Variants in SRD5A2 observed in about 807,000 individuals in gnomAD.
The protein encoded by SRD5A2 is 3-oxo-5-alpha-steroid 4-dehydrogenase 2.
A neutral mutation model predicts 27.4 loss-of-function variants in SRD5A2; 30 were observed. The observed-to-expected ratio is 1.10, with a 90% confidence interval of 0.82 to 1.49. SRD5A2 has a LOEUF of 1.49. Among genes scored for constraint, SRD5A2 ranks in the 40% most tolerant of loss-of-function variants. The probability of loss-of-function intolerance (pLI) is 0.00; values close to 1 mark genes in which losing one functional copy is unlikely to be tolerated. For synonymous variants in SRD5A2, 141 were observed against 133.6 expected (o/e 1.06, Z -0.38); for missense variants, 348 against 323.4 (o/e 1.08, Z -0.58).
In SRD5A2 at chr2:31,533,625, G is replaced by A; in HGVS notation, c.423C>T (p.Tyr141=). Residue 141 remains tyrosine (Y), a synonymous_variant, in exon 2 of 5, where the codon TAC becomes TAT. Coordinates refer to ENST00000622030, the MANE Select transcript of SRD5A2 (RefSeq NM_000348.4). ...TACCCAAGCTAAACCGTATGTCTGT[G>A]TACCACCCATCAGGGTATTCAGCAC... is the stretch of plus-strand genomic sequence containing the variant. ...IYCAEYPDGW[Y]TDIRFSLGVF... is the part of the protein sequence containing the mutation. 2 of 1,552,740 alleles carry A rather than the reference G, an allele frequency of 1.3e-6. No homozygotes were observed. The highest frequency in any genetic ancestry group is 1.2e-5 in the South Asian group (1 of 84,084).
At chr2:31,580,233 G>A (rs519704) in intron 1 of SRD5A2, among the ~76,000 whole-genome samples, 17,570 of 152,214 alleles carry the variant, frequency 0.12, 1,081 homozygotes, top group Middle Eastern at 0.19. Flanking sequence ...GCGGGGCGGG[G>A]CGCGATATGC....
intron 3 of SRD5A2, among the ~76,000 whole-genome samples, chr2:31,531,063 T>C (rs778117830): frequency 3.9e-5 from 6 of 152,188 alleles, no homozygotes; most frequent in Non-Finnish European, 8.8e-5. Context: ...ATGACAACCT[T>C]ACCTACTGCA....
At chr2:31,634,826 C>A in the SRD5A2 span, among the ~76,000 whole-genome samples, 1 of 152,054 alleles carries the variant, frequency 6.6e-6, no homozygotes, top group Non-Finnish European at 1.5e-5. Flanking sequence ...AACATAATGA[C>A]CTCCCATTTC....
intron 1 of SRD5A2, among the ~76,000 whole-genome samples, chr2:31,539,455 A>G (rs1666089074): frequency 6.6e-6 from 1 of 152,206 alleles, no homozygotes; most frequent in Non-Finnish European, 1.5e-5. Flanking sequence ...GCAAAGTCTG[A>G]TGGAAGTGCA....
chr2:31,557,382 C>T (rs1438401648), intron 1 of SRD5A2, among the ~76,000 whole-genome samples: 1 of 152,234 alleles, frequency 6.6e-6, no homozygotes, highest in Non-Finnish European at 1.5e-5. Flanking sequence ...ATTTGCATTG[C>T]TTAGATGTTT....
intron 1 of SRD5A2, among the ~76,000 whole-genome samples, chr2:31,541,644 G>T (rs899595887): frequency 6.6e-6 from 1 of 152,144 alleles, no homozygotes; most frequent in Non-Finnish European, 1.5e-5. Context: ...ACAGTACTTG[G>T]TTTAACTTCA....
In SRD5A2 at chr2:31,526,104, C is replaced by CATACATATATATATATATAT; in HGVS notation, c.*91_*92insATATATATATATATATGTAT. The CATACATATATATATATATAT allele has an allele frequency of 1.3e-6, 1 of 795,664 alleles. No individual in the cohort carries two copies. The allele number at this position is 795,664 out of a possible 1,614,324, so 49.3% of individuals were successfully genotyped here. A position where few individuals can be genotyped will look rare whatever the true frequency, so the allele number is the denominator to read the frequency against. On this transcript the variant is annotated 3_prime_UTR_variant, in exon 5 of 5. Transcript: ENST00000622030. Reference sequence around the variant, plus strand: ...CAGGAGACCTACTATTACATATATACGGGACTATTATATCATGAAAATTAC... The same window carrying CATACATATATATATATATAT: ...CAGGAGACCTACTATTACATATATACATACATATATATATATATATGGGACTATTATATCATGAAAATTAC...
At chr2:31,554,927 G>A (rs1442010804) in intron 1 of SRD5A2, among the ~76,000 whole-genome samples, 18 of 39,324 alleles carry the variant, frequency 4.6e-4, no homozygotes, top group Admixed American at 4.2e-3. Context: ...TCCTGATCGT[G>A]TGTGTGTGTG....
the SRD5A2 span, among the ~76,000 whole-genome samples, chr2:31,616,866 G>T: frequency 2.0e-5 from 3 of 152,130 alleles, no homozygotes; most frequent in Non-Finnish European, 2.9e-5. Context: ...TGGTTTGGTT[G>T]TGTCCTCACC....
At chr2:31,592,691 A>G in the SRD5A2 span, among the ~76,000 whole-genome samples, 2 of 152,198 alleles carry the variant, frequency 1.3e-5, no homozygotes, top group African/African-American at 4.8e-5. Context: ...GGACAAAATA[A>G]TCTGAACAGC....
the SRD5A2 span, among the ~76,000 whole-genome samples, chr2:31,603,476 A>T: frequency 1.3e-5 from 2 of 152,024 alleles, no homozygotes; most frequent in African/African-American, 4.8e-5. Context: ...ATTGTGGAAG[A>T]CAGTGTAGTA....
At chr2:31,564,786 A>G (rs983187790) in intron 1 of SRD5A2, among the ~76,000 whole-genome samples, 6 of 151,996 alleles carry the variant, frequency 3.9e-5, no homozygotes. Flanking sequence ...GGATTGCTAT[A>G]TCCTAGAATT....
chr2:31,560,918 G>A (rs1666609212), intron 1 of SRD5A2, among the ~76,000 whole-genome samples: 1 of 152,116 alleles, frequency 6.6e-6, no homozygotes, highest in Non-Finnish European at 1.5e-5. Context: ...AAGGGCTGTT[G>A]CAGAGAAAGG....
rs138609043 is a variant in SRD5A2 at position 31,562,244 on chromosome 2, A to C, written c.281+18376T>G. Among the ~76,000 whole-genome samples, 1,271 of 152,014 alleles carry C rather than the reference A, an allele frequency of 8.4e-3. 19 individuals are homozygous for C. Among genetic ancestry groups the C allele is most frequent in the Non-Finnish European group, 0.013 (858 of 67,936 alleles). On this transcript the variant is annotated intron_variant, in intron 1 of 4. Transcript: ENST00000622030. ...TTTTTTTCCTTTTTAAAAAATTTTT[A>C]TGTTTAATATTTGTGGGTATATAGT...
At chr2:31,529,263 GAAGA>G (rs763925536) in intron 4 of SRD5A2, 40 bp downstream of exon 4, 129 of 1,610,634 alleles carry the variant, frequency 8.0e-5, no homozygotes, top group Non-Finnish European at 1.0e-4. Flanking sequence ...GTTTGGAGAA[GAAGA>G]AAGCTACGTG....
the SRD5A2 span, among the ~76,000 whole-genome samples, chr2:31,591,557 T>C: frequency 2.2e-4 from 34 of 151,868 alleles, no homozygotes; most frequent in East Asian, 5.8e-3. Flanking sequence ...GAACTAGAAA[T>C]ACCATTTGAC....
chr2:31,602,455 T>G, the SRD5A2 span, among the ~76,000 whole-genome samples: 3 of 152,040 alleles, frequency 2.0e-5, no homozygotes, highest in African/African-American at 4.8e-5. Flanking sequence ...ATAGGAAGAA[T>G]CAATATTGCG....
At chr2:31,559,316 T>C (rs2148087113) in intron 1 of SRD5A2, among the ~76,000 whole-genome samples, 1 of 152,356 alleles carries the variant, frequency 6.6e-6, no homozygotes, top group East Asian at 1.9e-4. Context: ...GAAAATCCTA[T>C]GGTATCTTTC....
At chr2:31,570,195 T>C (rs551541945) in intron 1 of SRD5A2, among the ~76,000 whole-genome samples, 2 of 152,260 alleles carry the variant, frequency 1.3e-5, no homozygotes, top group African/African-American at 2.4e-5. Flanking sequence ...CAAGCAGGCT[T>C]TATCCCTGGG....
Sources: gnomAD v4.1 joint callset for allele counts (sites outside exome capture counted in the v4.1 genomes callset) on GRCh38, gnomAD v4.1.1 for gene constraint, MANE v1.5 for transcripts, NCBI Gene and HGNC (gene_info 2026-07-23, HGNC 2026-07-21) for gene names.